RAET1G: variants seen among roughly 807,000 people sequenced by gnomAD.
RAET1G encodes the protein UL-16 binding protein 5.
RAET1G carries 25 observed loss-of-function variants against 29.5 expected under a neutral mutation model. That is an observed-to-expected ratio of 0.85 (90% CI 0.62 to 1.18). The LOEUF is 1.18. Among genes scored for constraint, RAET1G ranks in the 50% most tolerant of loss-of-function variants. The pLI, the probability that RAET1G is intolerant of heterozygous loss-of-function variation, is 0.00. For missense variants in RAET1G, 434 were observed against 423.6 expected, an observed-to-expected ratio of 1.02 and a Z score of -0.22; for synonymous variants, 167 against 159.5, an observed-to-expected ratio of 1.05 and a Z score of -0.36.
At chr6:149,920,648 G>A (rs1778578527) in intron 1 of RAET1G, among the ~76,000 whole-genome samples, 1 of 152,116 alleles carries the variant, frequency 6.6e-6, no homozygotes, top group Non-Finnish European at 1.5e-5. Flanking sequence ...CAGTAGTAAT[G>A]GGATGAAAAA....
intron 1 of RAET1G, among the ~76,000 whole-genome samples, chr6:149,920,854 T>TA (rs1562480275): frequency 6.6e-6 from 1 of 152,190 alleles, no homozygotes. Flanking sequence ...TGGATTTAAA[T>TA]AATTACAAGA....
rs372589758 is a variant in RAET1G, at chr6:149,918,402, G to T, written c.632-18C>A. 1.2e-5 allele frequency: 20 copies of T among 1,612,116 alleles called. No individual in the cohort carries two copies. The African/African-American group carries it at 2.5e-4, about 20-fold the overall frequency. On this transcript the variant is annotated intron_variant, in intron 3 of 4. Coordinates refer to ENST00000367360, the MANE Select transcript of RAET1G (RefSeq NM_001001788.4). The stretch of plus-strand genomic sequence containing the variant: ...GGGTGGTGCTGAAATGGAAGCACAA[G>T]AGTGACAACCCTTGTCCAGGCCCCA...
intron 1 of RAET1G, among the ~76,000 whole-genome samples, chr6:149,920,201 G>A (rs1019971446): frequency 6.6e-6 from 1 of 152,166 alleles, no homozygotes; most frequent in African/African-American, 2.4e-5. Flanking sequence ...AGCTGCACCT[G>A]AGGATACTGG....
chr6:149,921,453 A>G (rs1002477409), intron 1 of RAET1G, among the ~76,000 whole-genome samples: 1 of 152,128 alleles, frequency 6.6e-6, no homozygotes, highest in Non-Finnish European at 1.5e-5. Context: ...AGAGCTGCCC[A>G]TTACGGGTGG....
intron 2 of RAET1G, 68 bp from the exon 3 acceptor site, chr6:149,919,392 C>T: frequency 1.3e-6 from 2 of 1,595,474 alleles, no homozygotes; most frequent in South Asian, 1.2e-5. Context: ...CTTCCACTTG[C>T]AATTTCCTGG....
intron 2 of RAET1G, 21 bp from the exon 3 acceptor site, chr6:149,919,345 T>A: frequency 6.2e-7 from 1 of 1,608,752 alleles, no homozygotes; most frequent in Non-Finnish European, 8.5e-7. Context: ...CAAAGAGAGA[T>A]CAGCTCTGGC....
intron 1 of RAET1G, among the ~76,000 whole-genome samples, chr6:149,921,612 C>A (rs73782148): frequency 0.016 from 2,501 of 152,256 alleles, 69 homozygotes; most frequent in African/African-American, 0.058. Flanking sequence ...CGTGGCTGCA[C>A]CCCCTTACCC....
chr6:149,918,949 C>T (rs1286303848), intron 3 of RAET1G, 94 bp downstream of exon 3: 3 of 1,576,100 alleles, frequency 1.9e-6, no homozygotes, highest in Non-Finnish European at 2.6e-6. Flanking sequence ...TAAACGTGTA[C>T]ACTGGGATGA....
At chr6:149,917,551 T>A (rs1459528994) in intron 4 of RAET1G, among the ~76,000 whole-genome samples, 2 of 152,256 alleles carry the variant, frequency 1.3e-5, no homozygotes, top group Non-Finnish European at 1.5e-5. Context: ...GAACAGAGAT[T>A]ATTATAACAT....
At chr6:149,922,026 A>G (rs1289576763) in intron 1 of RAET1G, among the ~76,000 whole-genome samples, 3 of 152,154 alleles carry the variant, frequency 2.0e-5, no homozygotes, top group Non-Finnish European at 4.4e-5. Context: ...CTCCCTTTCT[A>G]GAAAGGGTTT....
chr6:149,917,376 C>G (rs2114642779), intron 4 of RAET1G, among the ~76,000 whole-genome samples: 1 of 152,320 alleles, frequency 6.6e-6, no homozygotes, highest in African/African-American at 2.4e-5. Context: ...TGCTAAGTAA[C>G]AAGTGCCTTC....
At chr6:149,918,844 A>G in intron 3 of RAET1G, 199 bp downstream of exon 3, 1 of 774,818 alleles carries the variant, frequency 1.3e-6, no homozygotes, top group East Asian at 2.7e-5. Flanking sequence ...GCAGTGAGGA[A>G]GAGGAGTCAG....
At chr6:149,920,143 C>A (rs1778564627) in intron 1 of RAET1G, among the ~76,000 whole-genome samples, 1 of 152,190 alleles carries the variant, frequency 6.6e-6, no homozygotes. Context: ...GACAGAGGAT[C>A]TTCAGCAGTA....
Position 149,918,277 on chromosome 6 carries a change from G to T in RAET1G, c.739C>A (p.Leu247Met). ...MCLLICSRHS[L>M]TQSHGHHPQS... The stretch of plus-strand genomic sequence containing the variant: ...GGGTGGTGGCCATGGCTTTGGGTCA[G>T]ACTGTGCCTGGAGCATATGAGGAGA... Residue 247 changes from leucine to methionine, a missense_variant, in exon 4 of 5, where the codon CTG (leucine) becomes ATG (methionine). By Grantham distance (15) the Leu-to-Met change is conservative. Coordinates refer to ENST00000367360, the MANE Select transcript of RAET1G (RefSeq NM_001001788.4). The T allele has an allele frequency of 6.2e-7, 1 of 1,614,174 alleles. No individual in the cohort carries two copies. Among genetic ancestry groups the T allele is most frequent in the Non-Finnish European group, 8.5e-7 (1 of 1,180,040 alleles).
At position 149,918,203 on chromosome 6, in the gene RAET1G, C is replaced by G; in HGVS notation, c.813G>C (p.Trp271Cys). 6.2e-7 allele frequency: 1 copy of G among 1,614,142 alleles called. No individual in the cohort carries two copies. Among genetic ancestry groups the G allele is most frequent in the Non-Finnish European group, 8.5e-7 (1 of 1,180,016 alleles). The change falls in exon 4 of 5, where the codon TGG becomes TGC. Residue 271 changes from tryptophan (W) to cysteine (C), a missense_variant. Coordinates refer to ENST00000367360, the MANE Select transcript of RAET1G (RefSeq NM_001001788.4). ...CACTCCAAAGGACTCTCCTCAGCAG[C>G]CAGGTAGGATGAAGCAGGGGAGGAT... is the stretch of plus-strand genomic sequence containing the variant. The part of the protein sequence containing the change: ...PPHPPLLHPT[W>C]LLRRVLWSDS...
At chr6:149,917,290 C>G (rs1298996289) in intron 4 of RAET1G, among the ~76,000 whole-genome samples, 1 of 152,230 alleles carries the variant, frequency 6.6e-6, no homozygotes, top group Non-Finnish European at 1.5e-5. Flanking sequence ...TGACTGATGT[C>G]AGGCCTTCCA....
intron 3 of RAET1G, 23 bp downstream of exon 3, chr6:149,919,020 C>A: frequency 6.2e-7 from 1 of 1,612,308 alleles, no homozygotes; most frequent in Non-Finnish European, 8.5e-7. Flanking sequence ...ATTGGAGATC[C>A]CCATTTCTTT....
In RAET1G at chr6:149,917,049, A is replaced by T. The variant is rs765736853; in HGVS notation, c.868T>A (p.Ser290Thr). Residue 290 changes from serine to threonine, a missense_variant, in exon 5 of 5, where the codon TCT (serine) becomes ACT (threonine). Coordinates refer to ENST00000367360, the MANE Select transcript of RAET1G (RefSeq NM_001001788.4). The stretch of plus-strand genomic sequence containing the variant: ...GTCACGCGAGTCACGTGTCCACCAG[A>T]CAAGGGGCGCTTCGCTATTTGGTAG... ...DSYQIAKRPL[S>T]GGHVTRVTLP... 97 of 1,549,618 alleles carry T rather than the reference A, an allele frequency of 6.3e-5. No individual in the cohort carries two copies. Among genetic ancestry groups the T allele is most frequent in the Non-Finnish European group, 8.3e-5 (95 of 1,146,034 alleles).
rs1434574830 is a variant in RAET1G at position 149,918,197 on chromosome 6, C to A, written c.819G>T (p.Leu273=). 4.3e-6 allele frequency: 7 copies of A among 1,614,064 alleles called. No individual in the cohort carries two copies. The Admixed American group carries it at 1.0e-4, about 23-fold the overall frequency. ...HPPLLHPTWL[L]RRVLWSDSYQ... ...ACCTGTCACTCCAAAGGACTCTCCTCAGCAGCCAGGTAGGATGAAGCAGGG... is the reference window on the plus strand; with the variant it reads ...ACCTGTCACTCCAAAGGACTCTCCTAAGCAGCCAGGTAGGATGAAGCAGGG... The change falls in exon 4 of 5, where the codon CTG becomes CTT. Residue 273 remains leucine, a synonymous_variant. Transcript: ENST00000367360.
Sources: allele counts gnomAD v4.1 joint callset (sites outside exome capture counted in the v4.1 genomes callset), GRCh38; gene constraint gnomAD v4.1.1; transcripts MANE v1.5; gene names NCBI Gene and HGNC (gene_info 2026-07-23, HGNC 2026-07-21).